SREK1: variants seen among roughly 807,000 people sequenced by gnomAD.
SREK1 encodes the protein splicing regulatory glutamic acid and lysine rich protein 1.
SREK1 carries 13 observed loss-of-function variants against 66.5 expected under a neutral mutation model. The observed-to-expected ratio is 0.20, with a 90% CI of 0.13 to 0.31. The LOEUF is 0.31. Ranked by LOEUF, SREK1 falls within the 10% of genes least tolerant of loss-of-function variation. The pLI, the probability that SREK1 is intolerant of heterozygous loss-of-function variation, is 1.00. For missense variants in SREK1, 607 were observed against 769.6 expected (o/e 0.79, Z 2.50); for synonymous variants, 265 against 263.5 (o/e 1.01, Z -0.05).
intron 9 of SREK1, among the ~76,000 whole-genome samples, 155 bp downstream of exon 9, chr5:66,171,102 G>A (rs748945528): frequency 7.2e-5 from 11 of 152,182 alleles, no homozygotes; most frequent in Non-Finnish European, 1.6e-4. Flanking sequence ...CATTTCTCTA[G>A]CAGAGTGGGG....
chr5:66,173,707 A>G (rs746992511), intron 9 of SREK1, among the ~76,000 whole-genome samples: 7 of 152,258 alleles, frequency 4.6e-5, no homozygotes, highest in Non-Finnish European at 7.3e-5. Flanking sequence ...AATTACACTG[A>G]TAAAGGCAGA....
rs1745062933 is a variant in SREK1, at chr5:66,165,056, A to G, written c.1001+159A>G. 8.6e-6 allele frequency: 5 copies of G among 583,106 alleles called. No homozygotes were observed. The South Asian group carries it at 1.7e-4, about 19-fold the overall frequency. 36.1% of individuals were successfully genotyped at this position (583,106 alleles called of 1,614,324 possible). A position where few individuals can be genotyped will look rare whatever the true frequency, so the allele number is the denominator to read the frequency against. On this transcript the variant is annotated intron_variant, in intron 7 of 11. Transcript: ENST00000334121. ...AATATTGTTCTAATTGTAATACTGT[A>G]GTTGAGAATGAAATTTTGTCTAATG...
rs747026480 is a variant in SREK1 at position 66,174,955 on chromosome 5, T to G, written c.1494T>G (p.Arg498=). The G allele has an allele frequency of 1.9e-5, 30 of 1,612,530 alleles. No homozygotes were observed. The highest frequency in any genetic ancestry group is 2.4e-5 in the Non-Finnish European group (28 of 1,179,286). The change falls in exon 10 of 12, where the codon CGT becomes CGG. Residue 498 remains arginine, a synonymous_variant. Coordinates refer to ENST00000334121, the MANE Select transcript of SREK1 (RefSeq NM_001077199.3). The part of the protein sequence containing the change: ...RRSRSSSRER[R]RRRSRSSSRS... Reference sequence around the variant, plus strand: ...TGTTTTTGATTTTCAGGGAAAGGCGTAGGAGGAGGAGCAGGAGTTCTTCCA... The same window carrying G: ...TGTTTTTGATTTTCAGGGAAAGGCGGAGGAGGAGGAGCAGGAGTTCTTCCA...
intron 9 of SREK1, among the ~76,000 whole-genome samples, chr5:66,172,557 G>A (rs1298501717): frequency 1.3e-5 from 2 of 151,904 alleles, no homozygotes; most frequent in Admixed American, 1.3e-4. Context: ...CACCATGCCT[G>A]GCTAATTTTT....
rs1019687486 is a variant in SREK1 at position 66,180,063 on chromosome 5, CCT to C, written c.*1199_*1200del. The C allele has an allele frequency of 6.6e-6, 1 of 152,450 alleles. No individual in the cohort carries two copies. Among genetic ancestry groups the C allele is most frequent in the Non-Finnish European group, 1.5e-5 (1 of 67,966 alleles). The allele number at this position is 152,450 out of a possible 1,614,324, so 9.4% of individuals were successfully genotyped here. A position where few individuals can be genotyped will look rare whatever the true frequency, so the allele number is the denominator to read the frequency against. On this transcript the variant is annotated 3_prime_UTR_variant, in exon 12 of 12. Transcript: ENST00000334121. ...TTGTCTACATTGGATGGCCTTATTA[CCT>C]CTCAATCATCTTTTCATAAATGATG...
At chr5:66,164,708 C>T in intron 6 of SREK1, 75 bp from the exon 7 acceptor site, 1 of 1,611,128 alleles carries the variant, frequency 6.2e-7, no homozygotes, top group Non-Finnish European at 8.5e-7. Context: ...GTGGTACATT[C>T]CACTTGTGCC....
intron 9 of SREK1, chr5:66,174,725 G>A: frequency 2.6e-6 from 1 of 380,790 alleles, no homozygotes; most frequent in Non-Finnish European, 4.7e-6. Context: ...CTAATATGAA[G>A]TCTTAGATGA....
At chr5:66,168,439 T>C (rs746618706) in intron 7 of SREK1, 4 of 152,156 alleles carry the variant, frequency 2.6e-5, no homozygotes, top group Non-Finnish European at 5.9e-5. Context: ...CTCAGCTCAT[T>C]GCAACCTCTG....
chr5:66,168,891 C>T (rs536135749), intron 7 of SREK1: 46 of 152,236 alleles, frequency 3.0e-4, no homozygotes, highest in African/African-American at 9.9e-4. Flanking sequence ...GAGAATACTA[C>T]GCAGTTTTAC....
At chr5:66,146,860 C>T (rs1262626278) in intron 1 of SREK1, among the ~76,000 whole-genome samples, 1 of 151,986 alleles carries the variant, frequency 6.6e-6, no homozygotes, top group Admixed American at 6.6e-5. Flanking sequence ...TATTTATTTT[C>T]AAATACATAT....
In SREK1 at chr5:66,170,122, G is replaced by A. The variant is rs759980171; in HGVS notation, c.1073G>A (p.Arg358His). The stretch of plus-strand genomic sequence containing the variant: ...AGATCTAAGAGCCCACATAAAAAAC[G>A]CTCTAAATCAAGGGAGAGACGGAAG... The part of the protein sequence containing the change: ...RRRSKSPHKK[R>H]SKSRERRKSR... The change falls in exon 8 of 12, where the codon CGC becomes CAC. Residue 358 changes from arginine (R) to histidine (H), a missense_variant. Around this residue, in one of 5 missense-constraint regions of SREK1, gnomAD observed 112 missense variants for 168.6 expected, o/e 0.66. Coordinates refer to ENST00000334121, the MANE Select transcript of SREK1 (RefSeq NM_001077199.3). 5 of 1,612,858 alleles carry A rather than the reference G, an allele frequency of 3.1e-6. No individual in the cohort carries two copies. The Admixed American group carries it at 5.0e-5, about 16-fold the overall frequency.
chr5:66,165,076 C>T, intron 7 of SREK1, 179 bp downstream of exon 7: 1 of 504,582 alleles, frequency 2.0e-6, no homozygotes. Flanking sequence ...GAAATTTTGT[C>T]TAATGATACT....
rs1744830411 is a variant in SREK1, at chr5:66,162,200, T to C, written c.503T>C (p.Leu168Pro). ...CTTGGAGAGATACCACAGCCACCAC[T>C]TATGGGAAACGTGGATCCTTCCAAA... The part of the protein sequence containing the change: ...ATLGEIPQPP[L>P]MGNVDPSKID... The change falls in exon 4 of 12, where the codon CTT (leucine) becomes CCT (proline). Residue 168 changes from leucine (L) to proline (P), a missense_variant. Leu to Pro is a moderately conservative substitution (Grantham distance 98). Around this residue, in one of 5 missense-constraint regions of SREK1, gnomAD observed 99 missense variants for 186.6 expected, o/e 0.53. Transcript: ENST00000334121. 1 of 1,613,996 alleles carries C rather than the reference T, an allele frequency of 6.2e-7. No individual in the cohort carries two copies. Among genetic ancestry groups the C allele is most frequent in the Non-Finnish European group, 8.5e-7 (1 of 1,179,984 alleles).
At chr5:66,162,818 C>T (rs1013794576) in intron 5 of SREK1, 1 of 429,478 alleles carries the variant, frequency 2.3e-6, no homozygotes, top group African/African-American at 2.0e-5. Flanking sequence ...GGGTCTAATT[C>T]AGTGTTAACA....
Position 66,151,224 on chromosome 5 carries a change from C to G in SREK1, c.162-2239C>G, listed in dbSNP as rs116696848. On this transcript the variant is annotated intron_variant, in intron 1 of 11. Transcript: ENST00000334121. Reference sequence around the variant, plus strand: ...TCACTCTGGGATGAAGTTGATGAGTCCCAGCCATCTTTTGAATGTTGCCAG... The same window carrying G: ...TCACTCTGGGATGAAGTTGATGAGTGCCAGCCATCTTTTGAATGTTGCCAG... Among the ~76,000 whole-genome samples, 526 of 152,196 alleles carry G rather than the reference C, an allele frequency of 3.5e-3. 2 individuals are homozygous for G. Among genetic ancestry groups the G allele is most frequent in the African/African-American group, 0.012 (504 of 41,522 alleles).
chr5:66,158,100 A>G (rs1049508046), intron 2 of SREK1: 7 of 150,552 alleles, frequency 4.6e-5, no homozygotes, highest in Non-Finnish European at 1.0e-4. Context: ...CATGTAGTCA[A>G]CTATTTAAGA....
In SREK1 at chr5:66,170,783, G is replaced by C; in HGVS notation, c.1320G>C (p.Glu440Asp). Residue 440 changes from glutamate (E) to aspartate (D), a missense_variant, in exon 9 of 12, where the codon GAG (glutamate) becomes GAC (aspartate). Glu to Asp is a conservative substitution (Grantham distance 45). Coordinates refer to ENST00000334121, the MANE Select transcript of SREK1 (RefSeq NM_001077199.3). ...ACAGAGAGAGAGAACGGGAAAAAGAGCATGAGAAGGATCGAGACAAAGAGA... is the reference window on the plus strand; with the variant it reads ...ACAGAGAGAGAGAACGGGAAAAAGACCATGAGAAGGATCGAGACAAAGAGA... ...EKDREREREK[E>D]HEKDRDKEKE... is the part of the protein sequence containing the mutation. The C allele has an allele frequency of 6.2e-7, 1 of 1,606,356 alleles. No homozygotes were observed. Among genetic ancestry groups the C allele is most frequent in the Non-Finnish European group, 8.5e-7 (1 of 1,175,916 alleles).
chr5:66,155,978 CTT>C, intron 2 of SREK1: 1 of 1,525,258 alleles, frequency 6.6e-7, no homozygotes, highest in Non-Finnish European at 8.8e-7. Flanking sequence ...TCAGTCATAA[CTT>C]TATGTCCACA....
chr5:66,154,735 A>G (rs1017446030), intron 2 of SREK1, among the ~76,000 whole-genome samples: 3 of 152,120 alleles, frequency 2.0e-5, no homozygotes, highest in African/African-American at 7.2e-5. Flanking sequence ...TAAATTTGGA[A>G]GTGTCTTTCC....
Sources: gnomAD v4.1 joint callset for allele counts (sites outside exome capture counted in the v4.1 genomes callset) on GRCh38, gnomAD v4.1.1 for gene constraint, gnomAD v4.1.1 regional missense constraint, MANE v1.5 for transcripts, NCBI Gene and HGNC (gene_info 2026-07-23, HGNC 2026-07-21) for gene names.